The following ATXN1 variants were observed in gnomAD, a reference collection of about 807,000 sequenced individuals.
ATXN1 encodes the protein ataxin 1.
A neutral mutation model predicts 56.4 loss-of-function variants in ATXN1; 8 were observed. The ratio of observed to expected loss-of-function variants is 0.14; its 90% CI spans 0.08 to 0.26. The LOEUF is 0.26. ATXN1 is among the 10% of genes least tolerant of loss of function. The pLI is 1.00. For missense variants in ATXN1, 987 were observed against 1,106.5 expected (o/e 0.89, Z 1.53); for synonymous variants, 514 against 494.6 (o/e 1.04, Z -0.52).
At position 16,327,775 on chromosome 6, in the gene ATXN1, G is replaced by A; in HGVS notation, c.536C>T (p.Thr179Ile). 6.2e-7 allele frequency: 1 copy of A among 1,610,022 alleles called. No individual in the cohort carries two copies. Among genetic ancestry groups the A allele is most frequent in the Non-Finnish European group, 8.5e-7 (1 of 1,179,938 alleles). ...SQRSQLEAYS[T>I]LLANMGSLSQ... ...CAGACTGCCCATGTTGGCCAGCAGAGTGGAATAGGCCTCCAGCTGGGAGCG... is the reference window on the plus strand; with the variant it reads ...CAGACTGCCCATGTTGGCCAGCAGAATGGAATAGGCCTCCAGCTGGGAGCG... Residue 179 changes from threonine (T) to isoleucine (I), a missense_variant, in exon 7 of 8, where the codon ACT becomes ATT. Physicochemically the swap from Thr to Ile is moderately conservative, Grantham distance 89. This residue lies in a region of ATXN1 where 723 missense variants were observed against 791.7 expected (regional missense o/e 0.91). Coordinates refer to ENST00000436367, the MANE Select transcript of ATXN1 (RefSeq NM_001128164.2).
chr6:16,669,995 G>C (rs1335972016), intron 2 of ATXN1, among the ~76,000 whole-genome samples: 1 of 152,030 alleles, frequency 6.6e-6, no homozygotes, highest in East Asian at 1.9e-4. Flanking sequence ...AACCAAGAAA[G>C]GGTAAGCCAA....
chr6:16,337,852 G>A (rs916551361), intron 6 of ATXN1, among the ~76,000 whole-genome samples: 5 of 152,122 alleles, frequency 3.3e-5, no homozygotes, highest in Admixed American at 1.3e-4. Context: ...CTTATTTCAA[G>A]GACTGATGCA....
intron 5 of ATXN1, among the ~76,000 whole-genome samples, chr6:16,507,452 T>G (rs982626035): frequency 3.3e-5 from 5 of 152,250 alleles, no homozygotes; most frequent in Admixed American, 3.3e-4. Flanking sequence ...CAAACATTTA[T>G]GAGCAATGGG....
chr6:16,681,568 T>G (rs574064898), intron 2 of ATXN1, among the ~76,000 whole-genome samples: 1 of 152,384 alleles, frequency 6.6e-6, no homozygotes, highest in South Asian at 2.1e-4. Flanking sequence ...TTTGTGGGAA[T>G]GCTCTAACTT....
At chr6:16,626,813 C>T (rs1763415110) in intron 3 of ATXN1, among the ~76,000 whole-genome samples, 1 of 152,106 alleles carries the variant, frequency 6.6e-6, no homozygotes, top group Non-Finnish European at 1.5e-5. Flanking sequence ...GACTGGTGTC[C>T]TTGTAACAGG....
At chr6:16,701,546 T>C (rs1255362732) in intron 2 of ATXN1, among the ~76,000 whole-genome samples, 1 of 152,174 alleles carries the variant, frequency 6.6e-6, no homozygotes, top group Non-Finnish European at 1.5e-5. Context: ...AGTCAAATTG[T>C]CCCTGTTTGC....
chr6:16,444,085 CA>C (rs1421234944), intron 6 of ATXN1, among the ~76,000 whole-genome samples: 1 of 150,210 alleles, frequency 6.7e-6, no homozygotes, highest in Non-Finnish European at 1.5e-5. Context: ...CACTGCATTC[CA>C]GCCTGGGCGA....
In ATXN1 at chr6:16,760,519, C is replaced by T. The variant is rs1489225268; in HGVS notation, c.-730+779G>A. On this transcript the variant is annotated intron_variant, in intron 1 of 7. Coordinates refer to ENST00000436367, the MANE Select transcript of ATXN1 (RefSeq NM_001128164.2). The surrounding 1 kb of genome is among the most constrained non-coding windows in gnomAD (Gnocchi z 5.3). ...CGCCACTCCAGCCGCGCTCCAGGCA[C>T]CCGCACACCCGCTACCCCCGCGCGG... is the stretch of plus-strand genomic sequence containing the variant. Among the ~76,000 whole-genome samples the T allele has an allele frequency of 6.6e-6, 1 of 151,404 alleles. No individual in the cohort carries two copies. The highest frequency in any genetic ancestry group is 1.5e-5 in the Non-Finnish European group (1 of 67,776).
intron 4 of ATXN1, among the ~76,000 whole-genome samples, chr6:16,531,157 A>G (rs1388126929): frequency 2.0e-5 from 3 of 152,224 alleles, no homozygotes; most frequent in East Asian, 3.8e-4. Flanking sequence ...AGAAGCAGGA[A>G]ACCATCTTTA....
chr6:16,683,155 T>C (rs1038186342), intron 2 of ATXN1, among the ~76,000 whole-genome samples: 2 of 152,246 alleles, frequency 1.3e-5, no homozygotes, highest in Admixed American at 6.5e-5. Context: ...AGATTCTTTT[T>C]GTAATACAAT....
chr6:16,443,930 C>A (rs186243918), intron 6 of ATXN1, among the ~76,000 whole-genome samples: 34 of 152,100 alleles, frequency 2.2e-4, no homozygotes, highest in South Asian at 8.3e-4. Flanking sequence ...TCCTGGCTAA[C>A]ACAGTGAAAC....
intron 2 of ATXN1, among the ~76,000 whole-genome samples, chr6:16,732,102 T>C (rs987693104): frequency 2.0e-5 from 3 of 152,168 alleles, no homozygotes; most frequent in African/African-American, 4.8e-5. Context: ...CAAAGTGTCA[T>C]ATGTAGCTCT....
At chr6:16,380,590 G>A (rs1265762625) in intron 6 of ATXN1, among the ~76,000 whole-genome samples, 1 of 152,074 alleles carries the variant, frequency 6.6e-6, no homozygotes, top group Non-Finnish European at 1.5e-5. Flanking sequence ...GCTCTTAAGT[G>A]GGTGTAGAAG....
intron 5 of ATXN1, among the ~76,000 whole-genome samples, chr6:16,512,558 T>C (rs1761103223): frequency 6.6e-6 from 1 of 152,240 alleles, no homozygotes; most frequent in Admixed American, 6.5e-5. Flanking sequence ...GGTATTCTCT[T>C]TTAAAGATAA....
chr6:16,415,823 G>A (rs1000213714), intron 6 of ATXN1, among the ~76,000 whole-genome samples: 2 of 152,144 alleles, frequency 1.3e-5, no homozygotes. Context: ...TTCATTCTGC[G>A]GTTATCTGGA....
At chr6:16,392,726 C>G (rs1758380964) in intron 6 of ATXN1, among the ~76,000 whole-genome samples, 1 of 152,178 alleles carries the variant, frequency 6.6e-6, no homozygotes, top group South Asian at 2.1e-4. Context: ...GAACTCCTGA[C>G]CTCAGGTGAT....
chr6:16,631,446 G>T (rs1173117906), intron 3 of ATXN1, among the ~76,000 whole-genome samples: 1 of 152,066 alleles, frequency 6.6e-6, no homozygotes, highest in Non-Finnish European at 1.5e-5. Flanking sequence ...TTGAATATTG[G>T]TGCCACACTC....
intron 4 of ATXN1, among the ~76,000 whole-genome samples, chr6:16,526,275 C>T (rs1013590558): frequency 8.6e-5 from 13 of 151,778 alleles, no homozygotes; most frequent in African/African-American, 3.1e-4. Flanking sequence ...CCAAAGTGTC[C>T]CAAGTTTATA....
At chr6:16,353,406 G>T (rs1761613364) in intron 6 of ATXN1, among the ~76,000 whole-genome samples, 1 of 152,192 alleles carries the variant, frequency 6.6e-6, no homozygotes, top group Non-Finnish European at 1.5e-5. Flanking sequence ...CCGGCATGGT[G>T]GCTCACACCT....
Sources: gnomAD v4.1 joint callset for allele counts (sites outside exome capture counted in the v4.1 genomes callset) on GRCh38, gnomAD v4.1.1 for gene constraint, gnomAD v4.1.1 regional missense constraint, Gnocchi (gnomAD v3.1) non-coding constraint, MANE v1.5 for transcripts, NCBI Gene and HGNC (gene_info 2026-07-23, HGNC 2026-07-21) for gene names.